SLC9A7: variants seen among roughly 807,000 people sequenced by gnomAD.
The protein encoded by SLC9A7 is sodium/hydrogen exchanger 7.
In SLC9A7, 19 loss-of-function variants were observed where a neutral mutation model predicts 52.6. The ratio of observed to expected loss-of-function variants is 0.36; its 90% CI spans 0.25 to 0.53. The LOEUF (loss-of-function observed/expected upper bound fraction) is 0.53, where lower values mean the gene tolerates loss of function less well. Ranked by LOEUF, SLC9A7 falls within the 20% of genes least tolerant of loss-of-function variation. The probability of loss-of-function intolerance (pLI) is 0.91; values close to 1 mark genes in which losing one functional copy is unlikely to be tolerated. For missense variants in SLC9A7, 455 were observed against 597.9 expected (o/e 0.76, Z 2.49); for synonymous variants, 226 against 252.1 (o/e 0.90, Z 0.98).
intron 11 of SLC9A7, among the ~76,000 whole-genome samples, chrX:46,643,973 G>A (rs907965225): frequency 3.6e-5 from 4 of 112,111 alleles, no homozygotes; most frequent in Admixed American, 1.9e-4. Flanking sequence ...TCAAAGGGAC[G>A]AACATTTCCA....
chrX:46,755,338 T>C (rs983419765), intron 1 of SLC9A7, among the ~76,000 whole-genome samples: 1 of 104,385 alleles, frequency 9.6e-6, no homozygotes, highest in Non-Finnish European at 2.0e-5. Context: ...AAAGAGAGGG[T>C]GAGAGAGGGA....
chrX:46,675,674 T>C (rs1490865194), intron 3 of SLC9A7, among the ~76,000 whole-genome samples: 1 of 111,835 alleles, frequency 8.9e-6, no homozygotes, highest in Non-Finnish European at 1.9e-5. Flanking sequence ...AAACTAAAAA[T>C]ATACTCTAAT....
At chrX:46,674,427 C>T (rs1461219485) in intron 3 of SLC9A7, among the ~76,000 whole-genome samples, 1 of 112,208 alleles carries the variant, frequency 8.9e-6, no homozygotes, top group Non-Finnish European at 1.9e-5. Flanking sequence ...TAAACGTATA[C>T]TTCATAGTTC....
At chrX:46,748,352 A>G in intron 1 of SLC9A7, among the ~76,000 whole-genome samples, 1 of 68,098 alleles carries the variant, frequency 1.5e-5, no homozygotes. Context: ...GTCAAAAAAA[A>G]AAAAAAGAAA....
intron 7 of SLC9A7, among the ~76,000 whole-genome samples, chrX:46,658,550 G>A (rs1175390058): frequency 6.3e-5 from 7 of 110,626 alleles, no homozygotes; most frequent in East Asian, 2.8e-4. Flanking sequence ...TATCACCACC[G>A]ATCCCACAGA....
chrX:46,691,567 G>A (rs1944381558), intron 1 of SLC9A7, among the ~76,000 whole-genome samples: 1 of 111,882 alleles, frequency 8.9e-6, no homozygotes, highest in Admixed American at 9.5e-5. Context: ...ACATGCATAT[G>A]TCAAAACCCT....
At chrX:46,635,521 T>A (rs1943304479) in intron 13 of SLC9A7, 68 bp downstream of exon 13, 2 of 866,913 alleles carry the variant, frequency 2.3e-6, no homozygotes, top group Non-Finnish European at 3.4e-6. Flanking sequence ...TAAAGAGAAA[T>A]ATCTGAGGTT....
chrX:46,644,172 CT>C (rs1943451308), intron 11 of SLC9A7, among the ~76,000 whole-genome samples: 2 of 112,142 alleles, frequency 1.8e-5, no homozygotes, highest in African/African-American at 6.5e-5. Flanking sequence ...AGCTCACGGG[CT>C]ATGTGAAGAC....
At chrX:46,753,460 CACA>C (rs1230828415) in intron 1 of SLC9A7, among the ~76,000 whole-genome samples, 2 of 111,279 alleles carry the variant, frequency 1.8e-5, no homozygotes, top group Non-Finnish European at 1.9e-5. Context: ...GCTTTTTTTC[CACA>C]ACATTATGTG....
chrX:46,610,930 A>G (rs1312654991), intron 16 of SLC9A7, among the ~76,000 whole-genome samples: 1 of 112,657 alleles, frequency 8.9e-6, no homozygotes, highest in Non-Finnish European at 1.9e-5. Flanking sequence ...CATAGACATG[A>G]AAAGTGATCC....
At chrX:46,742,455 GCAA>G (rs1428645361) in intron 1 of SLC9A7, among the ~76,000 whole-genome samples, 3 of 109,453 alleles carry the variant, frequency 2.7e-5, no homozygotes, top group African/African-American at 6.6e-5. Flanking sequence ...ATAGATACAT[GCAA>G]CAACAAGGGT....
At chrX:46,747,920 T>A (rs1268586728) in intron 1 of SLC9A7, among the ~76,000 whole-genome samples, 5 of 111,765 alleles carry the variant, frequency 4.5e-5, no homozygotes, top group Non-Finnish European at 9.4e-5. Context: ...CAAATTAGAA[T>A]CTTTGTGCAT....
At chrX:46,692,742 G>A (rs772481663) in intron 1 of SLC9A7, among the ~76,000 whole-genome samples, 1 of 111,141 alleles carries the variant, frequency 9.0e-6, no homozygotes, top group African/African-American at 3.3e-5. Flanking sequence ...AAATGAGAAC[G>A]AATGGTCTCT....
intron 1 of SLC9A7, among the ~76,000 whole-genome samples, chrX:46,748,570 CA>C (rs1784163970): frequency 1.6e-5 from 1 of 60,651 alleles, no homozygotes; most frequent in Middle Eastern, 6.7e-3. Context: ...TGCGTGTACA[CA>C]CACACACACA....
intron 1 of SLC9A7, chrX:46,684,725 C>CTTTGGTTGGCTGGCATTT (rs1276590748): frequency 8.8e-6 from 1 of 113,080 alleles, no homozygotes; most frequent in Non-Finnish European, 1.9e-5. Context: ...AACCAGATGA[C>CTTTGGTTGGCTGGCATTT]ACTAGAAATG....
At position 46,675,010 on chromosome X, in the gene SLC9A7, T is replaced by C. The variant is rs1051624641; in HGVS notation, c.604-2383A>G. 6.4e-5 allele frequency among the ~76,000 whole-genome samples: 7 copies of C among 109,942 alleles called. No homozygotes were observed. In the South Asian group the frequency reaches 2.8e-3, roughly 44 times the overall value. On this transcript the variant is annotated intron_variant, in intron 3 of 16. Coordinates refer to ENST00000616978, the MANE Select transcript of SLC9A7 (RefSeq NM_001257291.2). The stretch of plus-strand genomic sequence containing the variant: ...ACTGGCAAGTTTTAACATGTTATTG[T>C]ATATGTGTGTGTGAGTGAGGGAGAG...
At chrX:46,632,563 C>T (rs1482421775) in intron 13 of SLC9A7, among the ~76,000 whole-genome samples, 10 of 110,844 alleles carry the variant, frequency 9.0e-5, no homozygotes, top group Admixed American at 5.8e-4. Flanking sequence ...TAATCCCCTT[C>T]GCCTGTCTTC....
At chrX:46,746,909 G>T (rs1051141023) in intron 1 of SLC9A7, among the ~76,000 whole-genome samples, 1 of 112,285 alleles carries the variant, frequency 8.9e-6, no homozygotes, top group Non-Finnish European at 1.9e-5. Flanking sequence ...ATTAATGGAC[G>T]AATGAATAAA....
At chrX:46,644,473 CA>C (rs753056957) in intron 11 of SLC9A7, among the ~76,000 whole-genome samples, 33 of 110,864 alleles carry the variant, frequency 3.0e-4, no homozygotes, top group African/African-American at 9.2e-4. Flanking sequence ...CTATCTCTAC[CA>C]AAAATACAAA....
Sources: gnomAD v4.1 joint callset for allele counts (sites outside exome capture counted in the v4.1 genomes callset) on GRCh38, gnomAD v4.1.1 for gene constraint, MANE v1.5 for transcripts, NCBI Gene and HGNC (gene_info 2026-07-23, HGNC 2026-07-21) for gene names.